AZIN1: variants seen among roughly 807,000 people sequenced by gnomAD.
AZIN1 encodes the protein antizyme inhibitor 1, also known as ornithine decarboxylase antizyme inhibitor.
A neutral mutation model predicts 47.4 loss-of-function variants in AZIN1; 12 were observed. The observed-to-expected ratio is 0.25, with a 90% CI of 0.16 to 0.41. The LOEUF (loss-of-function observed/expected upper bound fraction) is 0.41. AZIN1 is among the 10% of genes least tolerant of loss of function. The probability of loss-of-function intolerance (pLI) is 1.00; values close to 1 mark genes in which losing one functional copy is unlikely to be tolerated. For synonymous variants in AZIN1, 155 were observed against 176.3 expected (o/e 0.88, Z 0.96); for missense variants, 410 against 532.4 (o/e 0.77, Z 2.26).
At chr8:102,832,841 C>G (rs995708389) in intron 9 of AZIN1, among the ~76,000 whole-genome samples, 11 of 152,008 alleles carry the variant, frequency 7.2e-5, no homozygotes, top group African/African-American at 2.7e-4. Context: ...GGGTTTCCAC[C>G]ATATTGGCCA....
chr8:102,829,146 C>G, intron 11 of AZIN1, 126 bp downstream of exon 11: 1 of 806,432 alleles, frequency 1.2e-6, no homozygotes, highest in Non-Finnish European at 2.0e-6. Flanking sequence ...CATTAAGTAA[C>G]TACACTGTAT....
chr8:102,850,493 A>T (rs1273375694), intron 2 of AZIN1, among the ~76,000 whole-genome samples: 1 of 152,214 alleles, frequency 6.6e-6, no homozygotes, highest in Non-Finnish European at 1.5e-5. Context: ...AGAAGCTTCT[A>T]AAGAATGACA....
chr8:102,849,263 A>T (rs1360022330), intron 2 of AZIN1, among the ~76,000 whole-genome samples: 1 of 152,208 alleles, frequency 6.6e-6, no homozygotes, highest in African/African-American at 2.4e-5. Flanking sequence ...ACAGCACTCC[A>T]GCCTGGTGAC....
chr8:102,834,887 C>A, intron 6 of AZIN1, 140 bp from the exon 7 acceptor site: 1 of 595,294 alleles, frequency 1.7e-6, no homozygotes. Context: ...GTATTAGAAG[C>A]ATTAGCTTCT....
At chr8:102,843,191 G>A (rs891046437) in intron 3 of AZIN1, among the ~76,000 whole-genome samples, 9 of 143,562 alleles carry the variant, frequency 6.3e-5, no homozygotes, top group Admixed American at 4.2e-4. Context: ...GGGCGACAGC[G>A]TGAGACTCGT....
chr8:102,836,018 A>G (rs1811798739), intron 6 of AZIN1, among the ~76,000 whole-genome samples: 1 of 152,178 alleles, frequency 6.6e-6, no homozygotes, highest in African/African-American at 2.4e-5. Flanking sequence ...TCAAAATATT[A>G]TTTGCTATTC....
chr8:102,838,186 A>C (rs1321243250), intron 5 of AZIN1, among the ~76,000 whole-genome samples: 1 of 152,108 alleles, frequency 6.6e-6, no homozygotes, highest in Admixed American at 6.5e-5. Context: ...CTTTCTAATC[A>C]AGAAAAAAAA....
At chr8:102,859,347 G>T (rs958737669) in intron 1 of AZIN1, among the ~76,000 whole-genome samples, 1 of 152,140 alleles carries the variant, frequency 6.6e-6, no homozygotes, top group African/African-American at 2.4e-5. Flanking sequence ...TAAGGAATAG[G>T]ATCAGATACC....
At chr8:102,853,371 G>A (rs1350875457) in intron 2 of AZIN1, among the ~76,000 whole-genome samples, 2 of 152,160 alleles carry the variant, frequency 1.3e-5, no homozygotes, top group African/African-American at 4.8e-5. Context: ...GCATGGTGGT[G>A]CATGCCTATA....
At chr8:102,840,182 T>G (rs568321703) in intron 3 of AZIN1, among the ~76,000 whole-genome samples, 4 of 152,250 alleles carry the variant, frequency 2.6e-5, no homozygotes, top group Non-Finnish European at 5.9e-5. Flanking sequence ...CTCCCATGCT[T>G]CCCCCACTGT....
chr8:102,839,365 C>T (rs560436238), intron 4 of AZIN1, among the ~76,000 whole-genome samples: 1 of 152,248 alleles, frequency 6.6e-6, no homozygotes, highest in South Asian at 2.1e-4. Flanking sequence ...TAGATATCTG[C>T]TGTAGTTTGG....
chr8:102,829,526 T>G, intron 10 of AZIN1, 40 bp from the exon 11 acceptor site: 3 of 1,505,534 alleles, frequency 2.0e-6, no homozygotes, highest in Non-Finnish European at 2.7e-6. Context: ...TACTCATACT[T>G]ACGCAGGTAT....
At chr8:102,843,856 T>C (rs1812383162) in intron 2 of AZIN1, 109 bp from the exon 3 acceptor site, 1 of 777,036 alleles carries the variant, frequency 1.3e-6, no homozygotes, top group South Asian at 2.8e-5. Flanking sequence ...TACGCAATTT[T>C]ACAATTTCAG....
chr8:102,858,637 T>TA (rs3840701), intron 1 of AZIN1, among the ~76,000 whole-genome samples: 9,335 of 152,244 alleles, frequency 0.061, 379 homozygotes, highest in African/African-American at 0.11. Flanking sequence ...ATTTTAAATG[T>TA]AAAAATCCAC....
chr8:102,834,779 G>T, intron 6 of AZIN1, 32 bp from the exon 7 acceptor site: 1 of 1,501,522 alleles, frequency 6.7e-7, no homozygotes, highest in Non-Finnish European at 9.2e-7. Flanking sequence ...ATTTAAAGGA[G>T]CAGAAAGTTG....
At chr8:102,852,637 C>CGTGGCTGGACCTCATG (rs1343192029) in intron 2 of AZIN1, among the ~76,000 whole-genome samples, 1 of 152,212 alleles carries the variant, frequency 6.6e-6, no homozygotes, top group African/African-American at 2.4e-5. Flanking sequence ...GCATGCACAA[C>CGTGGCTGGACCTCATG]GTGGCTGGAC....
intron 1 of AZIN1, chr8:102,859,185 ACTC>A (rs1377933021): frequency 2.0e-5 from 3 of 152,270 alleles, no homozygotes; most frequent in Admixed American, 2.0e-4. Flanking sequence ...TGAGGAAAGA[ACTC>A]CTACAAACAT....
At chr8:102,851,903 G>A (rs1812940345) in intron 2 of AZIN1, among the ~76,000 whole-genome samples, 1 of 152,152 alleles carries the variant, frequency 6.6e-6, no homozygotes, top group South Asian at 2.1e-4. Flanking sequence ...GGCAGTTTAA[G>A]TAGCACTGAT....
intron 3 of AZIN1, among the ~76,000 whole-genome samples, chr8:102,841,740 T>C (rs951592900): frequency 2.7e-5 from 4 of 150,708 alleles, no homozygotes; most frequent in East Asian, 2.0e-4. Flanking sequence ...ACAAGTTTGG[T>C]TGAATACAGG....
Sources: gnomAD v4.1 joint callset for allele counts (sites outside exome capture counted in the v4.1 genomes callset) on GRCh38, gnomAD v4.1.1 for gene constraint, MANE v1.5 for transcripts, NCBI Gene and HGNC (gene_info 2026-07-23, HGNC 2026-07-21) for gene names.